The following ZNF793 variants were observed in gnomAD, a reference collection of about 807,000 sequenced individuals.
ZNF793 encodes the protein zinc finger protein 793.
A neutral mutation model predicts 12.4 loss-of-function variants in ZNF793; 5 were observed. The ratio of observed to expected loss-of-function variants is 0.40; its 90% confidence interval spans 0.21 to 0.84. ZNF793 has a LOEUF of 0.84. Among genes scored for constraint, ZNF793 ranks in the 40% least tolerant of loss-of-function variants. The pLI is 0.35. For synonymous variants in ZNF793, 162 were observed against 172.4 expected (o/e 0.94, Z 0.47); for missense variants, 456 against 495.0 (o/e 0.92, Z 0.75).
intron 2 of ZNF793, among the ~76,000 whole-genome samples, chr19:37,515,903 A>T (rs2042328353): frequency 6.6e-6 from 1 of 152,062 alleles, no homozygotes; most frequent in Non-Finnish European, 1.5e-5. Flanking sequence ...CTTTGCCCCA[A>T]ATTGTAACAG....
intron 2 of ZNF793, among the ~76,000 whole-genome samples, chr19:37,510,736 G>T (rs1251598372): frequency 6.8e-6 from 1 of 147,160 alleles, no homozygotes; most frequent in African/African-American, 2.5e-5. Context: ...TCACTCTATT[G>T]CCCAGGCTGG....
chr19:37,534,734 T>A (rs2042491000), intron 7 of ZNF793: 1 of 152,054 alleles, frequency 6.6e-6, no homozygotes, highest in Non-Finnish European at 1.5e-5. Flanking sequence ...CAGGCTGGAG[T>A]GCAGTGGCAT....
In ZNF793 at chr19:37,539,119, T is replaced by A. The variant is rs2042534968; in HGVS notation, c.*1240T>A. ...TGTATTTGGATAATTTGGCCAAAAATTTTACTAAAATGTAGTTATTTATAT... is the reference window on the plus strand; with the variant it reads ...TGTATTTGGATAATTTGGCCAAAAAATTTACTAAAATGTAGTTATTTATAT... On this transcript the variant is annotated 3_prime_UTR_variant, in exon 8 of 8. Coordinates refer to ENST00000627814, the MANE Select transcript of ZNF793 (RefSeq NM_001013659.3). 1 of 152,178 alleles carries A rather than the reference T, an allele frequency of 6.6e-6. No individual in the cohort carries two copies. The highest frequency in any genetic ancestry group is 1.5e-5 in the Non-Finnish European group (1 of 68,020). The allele number at this position is 152,178 out of a possible 1,614,324, so 9.4% of individuals were successfully genotyped here.
intron 2 of ZNF793, among the ~76,000 whole-genome samples, chr19:37,514,821 G>A (rs1412339834): frequency 6.6e-6 from 1 of 152,114 alleles, no homozygotes; most frequent in Non-Finnish European, 1.5e-5. Context: ...TCCTGAAAGT[G>A]TAAGTTCAAT....
At position 37,537,401 on chromosome 19, in the gene ZNF793, G is replaced by A; in HGVS notation, c.743G>A (p.Ser248Asn). 1.6e-5 allele frequency: 26 copies of A among 1,612,950 alleles called. No homozygotes were observed. The highest frequency in any genetic ancestry group is 2.2e-5 in the Non-Finnish European group (26 of 1,179,354). Residue 248 changes from serine (S) to asparagine (N), a missense_variant, in exon 8 of 8, where the codon AGT (serine) becomes AAT (asparagine). Ser to Asn is a conservative substitution (Grantham distance 46). Transcript: ENST00000627814. ...TCTGAATTCATTAGGCATCAGAGAA[G>A]TCACACTGGGGAGAAGCCTTATGGC... ...YKSEFIRHQR[S>N]HTGEKPYGCT...
chr19:37,508,024 T>C (rs1292172167), intron 1 of ZNF793, among the ~76,000 whole-genome samples: 3 of 152,154 alleles, frequency 2.0e-5, no homozygotes, highest in Non-Finnish European at 4.4e-5. Context: ...CAAGCCTGCA[T>C]AGCGGGAACA....
intron 5 of ZNF793, among the ~76,000 whole-genome samples, chr19:37,528,268 T>C (rs1164252246): frequency 6.6e-6 from 1 of 152,154 alleles, no homozygotes; most frequent in Non-Finnish European, 1.5e-5. Context: ...CCAGCAGTAA[T>C]GTGTGCCAAT....
chr19:37,506,956 C>T lies in ZNF793; in HGVS notation c.-425C>T, dbSNP rs1033209207. 2 of 152,256 alleles carry T rather than the reference C, an allele frequency of 1.3e-5. No individual in the cohort carries two copies. The highest frequency in any genetic ancestry group is 2.1e-4 in the South Asian group (1 of 4,830). 9.4% of individuals were successfully genotyped at this position (152,256 alleles called of 1,614,324 possible). A position where few individuals can be genotyped will look rare whatever the true frequency, so the allele number is the denominator to read the frequency against. ...CACCGGCCATTCAGGATGGGACGAC[C>T]TTATACCGCGGTGAGGCGGCGTGGC... On this transcript the variant is annotated 5_prime_UTR_variant, in exon 1 of 8. Transcript: ENST00000627814.
intron 5 of ZNF793, among the ~76,000 whole-genome samples, chr19:37,524,380 T>C (rs1279302114): frequency 6.6e-6 from 1 of 152,058 alleles, no homozygotes; most frequent in African/African-American, 2.4e-5. Context: ...GGAATATGAC[T>C]GATTTGACCA....
At chr19:37,525,575 T>G (rs1176848376) in intron 5 of ZNF793, among the ~76,000 whole-genome samples, 2 of 151,590 alleles carry the variant, frequency 1.3e-5, no homozygotes, top group Non-Finnish European at 2.9e-5. Context: ...TAGCTGGGAC[T>G]ACAGGCGCCC....
At position 37,520,292 on chromosome 19, in the gene ZNF793, C is replaced by T. The variant is rs1301978983; in HGVS notation, c.-167C>T. 2 of 152,380 alleles carry T rather than the reference C, an allele frequency of 1.3e-5. No individual in the cohort carries two copies. The highest frequency in any genetic ancestry group is 2.9e-5 in the Non-Finnish European group (2 of 68,194). The allele number at this position is 152,380 out of a possible 1,614,324, so 9.4% of individuals were successfully genotyped here. A position where few individuals can be genotyped will look rare whatever the true frequency, so the allele number is the denominator to read the frequency against. ...CACAGGACCTTGGTCACAACATCTACAGAAGGCCCTGCAGCTAAGTGTGAG... is the reference window on the plus strand; with the variant it reads ...CACAGGACCTTGGTCACAACATCTATAGAAGGCCCTGCAGCTAAGTGTGAG... On this transcript the variant is annotated 5_prime_UTR_variant, in exon 3 of 8. Transcript: ENST00000627814.
chr19:37,514,433 A>G (rs1292275526), intron 2 of ZNF793, among the ~76,000 whole-genome samples: 3 of 152,050 alleles, frequency 2.0e-5, no homozygotes, highest in Non-Finnish European at 4.4e-5. Context: ...TTGTACACCT[A>G]TAGTTTCAGC....
intron 5 of ZNF793, among the ~76,000 whole-genome samples, chr19:37,530,137 C>G (rs1422960791): frequency 6.6e-6 from 1 of 152,142 alleles, no homozygotes; most frequent in Non-Finnish European, 1.5e-5. Context: ...ACATAAACAT[C>G]TCAATGCCTT....
intron 7 of ZNF793, chr19:37,536,596 A>G (rs2042506632): frequency 4.8e-6 from 2 of 414,054 alleles, no homozygotes; most frequent in Admixed American, 4.0e-5. Context: ...AGTCATTGTG[A>G]CGGAGACCAT....
upstream of ZNF793, chr19:37,506,463 G>A (rs913687056): frequency 6.6e-6 from 1 of 152,178 alleles, no homozygotes; most frequent in Admixed American, 6.5e-5. Flanking sequence ...GAGTCTCTTC[G>A]CTGCTCTCTA....
upstream of ZNF793, among the ~76,000 whole-genome samples, chr19:37,506,431 C>T (rs1199377386): frequency 2.6e-5 from 4 of 152,240 alleles, no homozygotes; most frequent in Non-Finnish European, 5.9e-5. Context: ...CGTCCTTAGG[C>T]TGTCTCTGTC....
At chr19:37,528,574 G>A (rs1450321591) in intron 5 of ZNF793, among the ~76,000 whole-genome samples, 1 of 152,114 alleles carries the variant, frequency 6.6e-6, no homozygotes, top group Admixed American at 6.6e-5. Flanking sequence ...TTTTGGCAAG[G>A]TCAAATTCTT....
intron 5 of ZNF793, among the ~76,000 whole-genome samples, chr19:37,524,903 T>C (rs2042401590): frequency 2.0e-5 from 3 of 152,224 alleles, no homozygotes; most frequent in Admixed American, 6.5e-5. Flanking sequence ...ATAGGTTTTT[T>C]ATATTGTTTC....
In ZNF793 at chr19:37,537,075, G is replaced by C; in HGVS notation, c.417G>C (p.Trp139Cys). 4 of 1,613,794 alleles carry C rather than the reference G, an allele frequency of 2.5e-6. No homozygotes were observed. The highest frequency in any genetic ancestry group is 2.2e-5 in the East Asian group (1 of 44,882). ...CTTCAATCCAGAGCCCTAGTAACTG[G>C]AACCCTTGTGGAAAGAATTTGAACC... Reference protein sequence around the residue: ...LFSSIQSPSNWNPCGKNLNHN... With the variant: ...LFSSIQSPSNCNPCGKNLNHN... Residue 139 changes from tryptophan (W) to cysteine (C), a missense_variant, in exon 8 of 8, where the codon TGG becomes TGC. Physicochemically the swap from Trp to Cys is radical, Grantham distance 215. Coordinates refer to ENST00000627814, the MANE Select transcript of ZNF793 (RefSeq NM_001013659.3).
Sources: gnomAD v4.1 joint callset for allele counts (sites outside exome capture counted in the v4.1 genomes callset) on GRCh38, gnomAD v4.1.1 for gene constraint, MANE v1.5 for transcripts, NCBI Gene and HGNC (gene_info 2026-07-23, HGNC 2026-07-21) for gene names.